KIRREL1: variants seen among roughly 807,000 people sequenced by gnomAD.
KIRREL1 encodes kirre like nephrin family adhesion molecule 1.
A neutral mutation model predicts 83.3 loss-of-function variants in KIRREL1; 25 were observed. The ratio of observed to expected loss-of-function variants is 0.30; its 90% confidence interval spans 0.22 to 0.42. KIRREL1 has a LOEUF of 0.42. Ranked by LOEUF, KIRREL1 falls within the 10% of genes least tolerant of loss-of-function variation. The pLI, the probability that KIRREL1 is intolerant of heterozygous loss-of-function variation, is 1.00. For missense variants in KIRREL1, 812 were observed against 1,032.3 expected, an observed-to-expected ratio of 0.79 and a Z score of 2.92; for synonymous variants, 388 against 410.4, an observed-to-expected ratio of 0.95 and a Z score of 0.66.
At chr1:158,052,200 AT>A (rs1231379944) in intron 1 of KIRREL1, among the ~76,000 whole-genome samples, 1 of 152,124 alleles carries the variant, frequency 6.6e-6, no homozygotes, top group East Asian at 1.9e-4. Context: ...ACTCTAGTTA[AT>A]CAGAACCAGT....
intron 1 of KIRREL1, among the ~76,000 whole-genome samples, chr1:158,051,531 C>G (rs1925029): frequency 0.079 from 12,001 of 152,244 alleles, 503 homozygotes; most frequent in Middle Eastern, 0.15. Flanking sequence ...AACATCAACA[C>G]TAGAGTAACT....
chr1:158,003,330 G>A (rs749168520), intron 1 of KIRREL1, among the ~76,000 whole-genome samples: 1 of 152,192 alleles, frequency 6.6e-6, no homozygotes, highest in Non-Finnish European at 1.5e-5. Flanking sequence ...CAGGCTGGCA[G>A]AATGAAGCCT....
chr1:158,011,617 A>G (rs1659689017), intron 1 of KIRREL1, among the ~76,000 whole-genome samples: 1 of 152,186 alleles, frequency 6.6e-6, no homozygotes, highest in African/African-American at 2.4e-5. Flanking sequence ...TCTGGTTGGC[A>G]GTGGGTGAAG....
intron 2 of KIRREL1, 144 bp from the exon 3 acceptor site, chr1:158,077,847 G>A: frequency 2.3e-6 from 2 of 881,858 alleles, no homozygotes; most frequent in Non-Finnish European, 3.5e-6. Flanking sequence ...GAGGTGTCGT[G>A]GCATCAGGTG....
At chr1:158,067,560 T>G (rs1388473682) in intron 1 of KIRREL1, among the ~76,000 whole-genome samples, 1 of 152,182 alleles carries the variant, frequency 6.6e-6, no homozygotes, top group East Asian at 1.9e-4. Context: ...GGAAGGCCCT[T>G]GGGGGCCAAG....
chr1:158,009,785 A>G (rs1659619810), intron 1 of KIRREL1, among the ~76,000 whole-genome samples: 1 of 152,250 alleles, frequency 6.6e-6, no homozygotes, highest in Non-Finnish European at 1.5e-5. Flanking sequence ...GCCGCCTGCC[A>G]GACCTCAGAT....
In KIRREL1 at chr1:158,100,065, A is replaced by T. The variant is rs957398536; in HGVS notation, c.*4945A>T. The stretch of plus-strand genomic sequence containing the variant: ...TGATGATAATTAAGAGAAGAGAAAA[A>T]AAGATATTATTTTTGTTAGGACAAA... On this transcript the variant is annotated 3_prime_UTR_variant, in exon 15 of 15. Coordinates refer to ENST00000359209, the MANE Select transcript of KIRREL1 (RefSeq NM_018240.7). The T allele has an allele frequency of 3.9e-5, 6 of 152,130 alleles. No homozygotes were observed. Among genetic ancestry groups the T allele is most frequent in the Non-Finnish European group, 8.8e-5 (6 of 68,028 alleles). The allele number at this position is 152,130 out of a possible 1,614,324, so 9.4% of individuals were successfully genotyped here.
At chr1:158,031,061 T>A (rs1012090200) in intron 1 of KIRREL1, 1 of 152,194 alleles carries the variant, frequency 6.6e-6, no homozygotes, top group Non-Finnish European at 1.5e-5. Context: ...TCTCCCCTGT[T>A]CATTAATGAT....
At chr1:158,032,186 G>A (rs995841463) in intron 1 of KIRREL1, among the ~76,000 whole-genome samples, 44 of 152,334 alleles carry the variant, frequency 2.9e-4, no homozygotes, top group African/African-American at 1.1e-3. Context: ...GGGAACTGGG[G>A]ACTGGTGTCC....
chr1:158,071,262 C>G (rs879935811), intron 1 of KIRREL1, among the ~76,000 whole-genome samples: 3 of 152,228 alleles, frequency 2.0e-5, no homozygotes, highest in Admixed American at 6.5e-5. Flanking sequence ...TTTCCCTCCT[C>G]GCTCTCCCTC....
chr1:158,069,516 A>G (rs898391387), intron 1 of KIRREL1, among the ~76,000 whole-genome samples: 2 of 152,188 alleles, frequency 1.3e-5, no homozygotes, highest in Non-Finnish European at 2.9e-5. Context: ...AGGATGGAGC[A>G]GGGAGCTGGA....
chr1:158,073,253 A>G (rs960591284), intron 1 of KIRREL1, among the ~76,000 whole-genome samples: 42 of 152,110 alleles, frequency 2.8e-4, no homozygotes, highest in Non-Finnish European at 5.7e-4. Flanking sequence ...TATTACTTCC[A>G]TGCCCCTGTG....
intron 11 of KIRREL1, 31 bp from the exon 12 acceptor site, chr1:158,093,308 C>T (rs769840932): frequency 6.3e-7 from 1 of 1,575,174 alleles, no homozygotes; most frequent in East Asian, 2.2e-5. Flanking sequence ...ACTCCAGCCT[C>T]ACCCCTCCAC....
intron 1 of KIRREL1, among the ~76,000 whole-genome samples, chr1:158,065,029 A>C (rs1171075027): frequency 1.3e-5 from 2 of 151,454 alleles, no homozygotes; most frequent in Non-Finnish European, 2.9e-5. Flanking sequence ...AAAGCTTTTA[A>C]AATTAGAAAC....
intron 1 of KIRREL1, among the ~76,000 whole-genome samples, chr1:158,009,009 T>G (rs1659597873): frequency 6.6e-6 from 1 of 152,112 alleles, no homozygotes; most frequent in Admixed American, 6.5e-5. Context: ...TCCTTGGGCT[T>G]TCATCCCAGA....
rs534005134 is a variant in KIRREL1, at chr1:158,038,631, C to T, written c.53-37482C>T. ...GTGATCTACTGTGTCTAGCCATTCT[C>T]TTCCTCTTTTAAGGAATGCTTCCTA... is the stretch of plus-strand genomic sequence containing the variant. On this transcript the variant is annotated intron_variant, in intron 1 of 14. Transcript: ENST00000359209. Among the ~76,000 whole-genome samples, 33 of 151,832 alleles carry T rather than the reference C, an allele frequency of 2.2e-4. No individual in the cohort carries two copies. The East Asian group carries it at 6.4e-3, about 30-fold the overall frequency.
At chr1:158,057,365 T>G (rs1022783888) in intron 1 of KIRREL1, among the ~76,000 whole-genome samples, 1 of 152,222 alleles carries the variant, frequency 6.6e-6, no homozygotes, top group Non-Finnish European at 1.5e-5. Flanking sequence ...TTTAGGGCCC[T>G]TGACTTCCTA....
intron 10 of KIRREL1, among the ~76,000 whole-genome samples, chr1:158,090,789 G>A (rs771381919): frequency 6.6e-6 from 1 of 152,206 alleles, no homozygotes; most frequent in Non-Finnish European, 1.5e-5. Flanking sequence ...GTTATGCTTA[G>A]TTAGAATCAC....
At chr1:158,088,239 T>C in intron 7 of KIRREL1, 85 bp downstream of exon 7, 1 of 1,605,036 alleles carries the variant, frequency 6.2e-7, no homozygotes, top group Non-Finnish European at 8.5e-7. Context: ...GCTCCATGAA[T>C]GGGGAGGTAG....
Sources: gnomAD v4.1 joint callset for allele counts (sites outside exome capture counted in the v4.1 genomes callset) on GRCh38, gnomAD v4.1.1 for gene constraint, MANE v1.5 for transcripts, NCBI Gene and HGNC (gene_info 2026-07-23, HGNC 2026-07-21) for gene names.